The following CFAP61 variants were observed in gnomAD, a reference collection of about 807,000 sequenced individuals.
The protein encoded by CFAP61 is cilia and flagella associated protein 61.
In CFAP61, 107 loss-of-function variants were observed where a neutral mutation model predicts 135.6. The ratio of observed to expected loss-of-function variants is 0.79; its 90% confidence interval spans 0.67 to 0.93. The LOEUF (loss-of-function observed/expected upper bound fraction) is 0.93. CFAP61 is among the 40% of genes least tolerant of loss of function. The pLI, the probability that CFAP61 is intolerant of heterozygous loss-of-function variation, is 0.00. For missense variants in CFAP61, 1,507 were observed against 1,556.2 expected (o/e 0.97, Z 0.53); for synonymous variants, 575 against 578.5 (o/e 0.99, Z 0.09).
At chr20:20,136,639 T>G (rs1169537249) in intron 8 of CFAP61, among the ~76,000 whole-genome samples, 1 of 152,234 alleles carries the variant, frequency 6.6e-6, no homozygotes, top group Non-Finnish European at 1.5e-5. Flanking sequence ...TCGAATTCCT[T>G]CTCCATGCTA....
At chr20:20,328,070 G>A (rs551902860) in intron 25 of CFAP61, among the ~76,000 whole-genome samples, 128 of 152,262 alleles carry the variant, frequency 8.4e-4, no homozygotes, top group African/African-American at 2.7e-3. Context: ...GTGCTGCTTC[G>A]CTTTGATAAG....
chr20:20,165,080 G>C (rs966866845), intron 11 of CFAP61, among the ~76,000 whole-genome samples: 4 of 152,202 alleles, frequency 2.6e-5, no homozygotes, highest in Non-Finnish European at 5.9e-5. Flanking sequence ...AGATTTGGGT[G>C]GGGACACAGC....
intron 1 of CFAP61, among the ~76,000 whole-genome samples, chr20:20,055,368 G>A (rs2044229011): frequency 6.6e-6 from 1 of 152,110 alleles, no homozygotes; most frequent in Non-Finnish European, 1.5e-5. Context: ...TCTACCTAGA[G>A]CTTTGTGTAG....
intron 21 of CFAP61, among the ~76,000 whole-genome samples, chr20:20,276,368 C>G (rs561679420): frequency 3.3e-5 from 5 of 152,054 alleles, no homozygotes; most frequent in Admixed American, 2.6e-4. Context: ...TGTGAAAATG[C>G]CAATTCAATG....
At chr20:20,121,691 G>T (rs977719316) in intron 8 of CFAP61, among the ~76,000 whole-genome samples, 1 of 151,920 alleles carries the variant, frequency 6.6e-6, no homozygotes, top group Non-Finnish European at 1.5e-5. Context: ...ATGGTGTTTC[G>T]CCATGTTGGC....
chr20:20,335,446 C>T (rs1479955113), intron 25 of CFAP61, among the ~76,000 whole-genome samples: 1 of 152,182 alleles, frequency 6.6e-6, no homozygotes, highest in Non-Finnish European at 1.5e-5. Flanking sequence ...CCCAGCCTCC[C>T]ATGCAACCAA....
At chr20:20,335,729 CT>C (rs893220165) in intron 25 of CFAP61, among the ~76,000 whole-genome samples, 1 of 152,208 alleles carries the variant, frequency 6.6e-6, no homozygotes, top group African/African-American at 2.4e-5. Flanking sequence ...ACACTTCTGC[CT>C]TTTGAAAGCC....
At chr20:20,170,767 C>A (rs2054163335) in intron 13 of CFAP61, among the ~76,000 whole-genome samples, 1 of 152,108 alleles carries the variant, frequency 6.6e-6, no homozygotes, top group African/African-American at 2.4e-5. Flanking sequence ...GAATTTAGTA[C>A]ATTATGATGA....
rs751683588 is a variant in CFAP61 at position 20,196,769 on chromosome 20, A to G, written c.1790A>G (p.Glu597Gly). The G allele has an allele frequency of 6.2e-7, 1 of 1,613,866 alleles. No individual in the cohort carries two copies. The highest frequency in any genetic ancestry group is 8.5e-7 in the Non-Finnish European group (1 of 1,179,722). Residue 597 changes from glutamate (E) to glycine (G), a missense_variant, in exon 16 of 27, where the codon GAA becomes GGA. Transcript: ENST00000245957. Reference protein sequence around the residue: ...LYYRVYPKSREGKFQNPYAHS... With the variant: ...LYYRVYPKSRGGKFQNPYAHS... ...TACCGTGTTTACCCAAAATCCAGAG[A>G]AGGCAAGGTAAGAGAATGGTGCAAT...
rs1022161567 is a variant in CFAP61, at chr20:20,306,065, G to A, written c.3422+7679G>A. Among the ~76,000 whole-genome samples, 7 of 152,280 alleles carry A rather than the reference G, an allele frequency of 4.6e-5. No individual in the cohort carries two copies. The South Asian group carries it at 1.2e-3, about 27-fold the overall frequency. ...GGCGATCCTATTCTGATGAAAACTAGGGGTCTTTTTTAGCATATGTCACCT... is the reference window on the plus strand; with the variant it reads ...GGCGATCCTATTCTGATGAAAACTAAGGGTCTTTTTTAGCATATGTCACCT... On this transcript the variant is annotated intron_variant, in intron 25 of 26. Coordinates refer to ENST00000245957, the MANE Select transcript of CFAP61 (RefSeq NM_015585.4).
At position 20,116,497 on chromosome 20, in the gene CFAP61, A is replaced by G. The variant is rs148733764; in HGVS notation, c.859+17683A>G. On this transcript the variant is annotated intron_variant, in intron 8 of 26. Transcript: ENST00000245957. ...GTGCTTTTGAGGTCTTACACAAAAA[A>G]TCCTTGTCCAGACCAATGTCCTGGA... Among the ~76,000 whole-genome samples, 340 of 152,282 alleles carry G rather than the reference A, an allele frequency of 2.2e-3. 2 individuals are homozygous for G. The highest frequency in any genetic ancestry group is 7.7e-3 in the African/African-American group (318 of 41,562).
At chr20:20,354,330 C>T (rs1194633945) in intron 26 of CFAP61, among the ~76,000 whole-genome samples, 2 of 151,856 alleles carry the variant, frequency 1.3e-5, no homozygotes, top group African/African-American at 4.8e-5. Flanking sequence ...GGTGAAACCT[C>T]GTCTGTACTA....
At chr20:20,092,133 C>T (rs934366331) in intron 7 of CFAP61, among the ~76,000 whole-genome samples, 1 of 152,186 alleles carries the variant, frequency 6.6e-6, no homozygotes, top group Admixed American at 6.5e-5. Flanking sequence ...AACAATTCTC[C>T]GATCCGTCTT....
At chr20:20,108,112 A>G (rs1209984820) in intron 8 of CFAP61, among the ~76,000 whole-genome samples, 2 of 152,214 alleles carry the variant, frequency 1.3e-5, no homozygotes, top group Non-Finnish European at 2.9e-5. Context: ...TGCCTACTAA[A>G]TTGTAAATAT....
At chr20:20,312,859 C>T (rs560644449) in intron 25 of CFAP61, among the ~76,000 whole-genome samples, 9 of 152,234 alleles carry the variant, frequency 5.9e-5, no homozygotes, top group South Asian at 4.1e-4. Flanking sequence ...GTAACAGCTC[C>T]GGACTAATAA....
At chr20:20,164,010 G>A in intron 10 of CFAP61, 40 bp from the exon 11 acceptor site, 6 of 1,541,174 alleles carry the variant, frequency 3.9e-6, no homozygotes, top group Non-Finnish European at 5.3e-6. Flanking sequence ...ACAGGGCATT[G>A]ACAGGATTCT....
chr20:20,339,504 G>A (rs2058357025), intron 25 of CFAP61, among the ~76,000 whole-genome samples: 1 of 151,948 alleles, frequency 6.6e-6, no homozygotes, highest in South Asian at 2.1e-4. Flanking sequence ...ACCTAGGCTG[G>A]AGTGCAGTAG....
chr20:20,070,936 T>G lies in CFAP61; in HGVS notation c.226T>G (p.Trp76Gly). 6.2e-7 allele frequency: 1 copy of G among 1,614,112 alleles called. No individual in the cohort carries two copies. The highest frequency in any genetic ancestry group is 8.5e-7 in the Non-Finnish European group (1 of 1,179,992). The change falls in exon 3 of 27, where the codon TGG (tryptophan) becomes GGG (glycine). Residue 76 changes from tryptophan (W) to glycine (G), a missense_variant. Coordinates refer to ENST00000245957, the MANE Select transcript of CFAP61 (RefSeq NM_015585.4). ...AQATFLDYPN[W>G]NVAKQDDWVS... ...GGCCACCTTCCTGGACTACCCCAAC[T>G]GGAATGTTGCCAAGCAGGATGACTG...
At chr20:20,238,957 CTT>C (rs796252941) in intron 18 of CFAP61, among the ~76,000 whole-genome samples, 27 of 146,018 alleles carry the variant, frequency 1.8e-4, no homozygotes, top group African/African-American at 5.2e-4. Flanking sequence ...TAACTTGAAA[CTT>C]TTTTTTTTTT....
Sources: gnomAD v4.1 joint callset for allele counts (sites outside exome capture counted in the v4.1 genomes callset) on GRCh38, gnomAD v4.1.1 for gene constraint, MANE v1.5 for transcripts, NCBI Gene and HGNC (gene_info 2026-07-23, HGNC 2026-07-21) for gene names.